ADAMTS6: variants seen among roughly 807,000 people sequenced by gnomAD.
ADAMTS6 encodes the protein A disintegrin and metalloproteinase with thrombospondin motifs 6.
ADAMTS6 carries 23 observed loss-of-function variants against 144.3 expected under a neutral mutation model. That is an observed-to-expected ratio of 0.16 (90% CI 0.11 to 0.23). The LOEUF is 0.23. Ranked by LOEUF, ADAMTS6 falls within the 10% of genes least tolerant of loss-of-function variation. The pLI is 1.00. For synonymous variants in ADAMTS6, 444 were observed against 457.5 expected (o/e 0.97, Z 0.38); for missense variants, 999 against 1,379.6 (o/e 0.72, Z 4.37).
intron 7 of ADAMTS6, among the ~76,000 whole-genome samples, chr5:65,433,853 T>C (rs1580698562): frequency 6.6e-6 from 1 of 152,146 alleles, no homozygotes; most frequent in African/African-American, 2.4e-5. Flanking sequence ...AGCCTGGCAG[T>C]TTCTCAAAGG....
chr5:65,301,691 G>A (rs1018167193), intron 9 of ADAMTS6, among the ~76,000 whole-genome samples: 1 of 143,894 alleles, frequency 6.9e-6, no homozygotes, highest in Non-Finnish European at 1.5e-5. Context: ...CTGAACGAGG[G>A]TGCCGGATAA....
At chr5:65,448,619 G>GC (rs1186455199) in intron 7 of ADAMTS6, among the ~76,000 whole-genome samples, 1 of 151,536 alleles carries the variant, frequency 6.6e-6, no homozygotes, top group African/African-American at 2.4e-5. Context: ...CGCCTGGCTA[G>GC]TTTTTTTTGT....
chr5:65,374,367 C>G (rs1467702205), intron 7 of ADAMTS6, among the ~76,000 whole-genome samples: 1 of 149,286 alleles, frequency 6.7e-6, no homozygotes, highest in South Asian at 2.1e-4. Flanking sequence ...ACCCCACTGT[C>G]TCAGCCCAAA....
At chr5:65,360,170 G>A (rs1412031359) in intron 7 of ADAMTS6, among the ~76,000 whole-genome samples, 2 of 152,226 alleles carry the variant, frequency 1.3e-5, no homozygotes, top group Middle Eastern at 3.4e-3. Context: ...CTTAGGAAAC[G>A]TACAATAATG....
At chr5:65,193,941 T>C (rs1755170146) in intron 21 of ADAMTS6, among the ~76,000 whole-genome samples, 2 of 152,176 alleles carry the variant, frequency 1.3e-5, no homozygotes, top group South Asian at 4.1e-4. Context: ...AGTAGTGTAA[T>C]ACAATTTTTT....
At chr5:65,283,446 TA>T (rs1247514637) in intron 11 of ADAMTS6, among the ~76,000 whole-genome samples, 2 of 151,506 alleles carry the variant, frequency 1.3e-5, no homozygotes, top group African/African-American at 2.4e-5. Context: ...CAAAACTGAC[TA>T]AATGGTTAAA....
At chr5:65,442,344 C>T (rs1313471296) in intron 7 of ADAMTS6, among the ~76,000 whole-genome samples, 3 of 152,052 alleles carry the variant, frequency 2.0e-5, no homozygotes, top group Admixed American at 6.6e-5. Flanking sequence ...ACTACCAAAG[C>T]TCACTGAATA....
At chr5:65,263,387 A>G (rs186187381) in intron 12 of ADAMTS6, among the ~76,000 whole-genome samples, 38 of 151,014 alleles carry the variant, frequency 2.5e-4, no homozygotes, top group South Asian at 4.3e-4. Flanking sequence ...CCAGTAAGGA[A>G]TTTTTATGAT....
chr5:65,310,052 T>C (rs1306957121), intron 9 of ADAMTS6, among the ~76,000 whole-genome samples: 2 of 152,030 alleles, frequency 1.3e-5, no homozygotes, highest in Non-Finnish European at 2.9e-5. Context: ...CTTGGTACTG[T>C]CTTTGGGACA....
At chr5:65,422,874 G>C (rs777164339) in intron 7 of ADAMTS6, among the ~76,000 whole-genome samples, 5 of 152,102 alleles carry the variant, frequency 3.3e-5, no homozygotes, top group Non-Finnish European at 5.9e-5. Flanking sequence ...ATTCAGAATT[G>C]CAAAGATATG....
At position 65,197,165 on chromosome 5, in the gene ADAMTS6, G is replaced by C. The variant is rs774238852; in HGVS notation, c.2576-14C>G. ...GTCTTTGGACACCTTGAGAAAAGGA[G>C]GACATCATTAATTGAAGAGAAGTTT... is the stretch of plus-strand genomic sequence containing the variant. On this transcript the variant is annotated splice_polypyrimidine_tract_variant and intron_variant, in intron 20 of 24. Transcript: ENST00000381055. 28 of 1,611,934 alleles carry C rather than the reference G, an allele frequency of 1.7e-5. No homozygotes were observed. Among genetic ancestry groups the C allele is most frequent in the Non-Finnish European group, 2.1e-5 (25 of 1,179,102 alleles).
At chr5:65,396,254 G>A (rs1209896544) in intron 7 of ADAMTS6, among the ~76,000 whole-genome samples, 1 of 152,062 alleles carries the variant, frequency 6.6e-6, no homozygotes, top group Non-Finnish European at 1.5e-5. Context: ...ATCATTTCTT[G>A]TTTCTACTCC....
At chr5:65,178,002 A>G (rs1754088290) in intron 22 of ADAMTS6, among the ~76,000 whole-genome samples, 2 of 152,136 alleles carry the variant, frequency 1.3e-5, no homozygotes, top group African/African-American at 2.4e-5. Flanking sequence ...TCCAACACTA[A>G]GTTCACTTCG....
intron 7 of ADAMTS6, among the ~76,000 whole-genome samples, chr5:65,389,754 G>C (rs1008481286): frequency 6.6e-6 from 1 of 152,034 alleles, no homozygotes; most frequent in African/African-American, 2.4e-5. Context: ...TAATAATTGG[G>C]AGGTCTAATG....
At chr5:65,442,664 T>C (rs1325778869) in intron 7 of ADAMTS6, among the ~76,000 whole-genome samples, 1 of 152,002 alleles carries the variant, frequency 6.6e-6, no homozygotes, top group Non-Finnish European at 1.5e-5. Context: ...GAAAATGACA[T>C]CTAACTATAT....
At chr5:65,287,810 G>A (rs912874015) in intron 11 of ADAMTS6, among the ~76,000 whole-genome samples, 9 of 152,152 alleles carry the variant, frequency 5.9e-5, no homozygotes, top group African/African-American at 1.4e-4. Context: ...GATTACAGGC[G>A]TGAGCCACCG....
intron 24 of ADAMTS6, among the ~76,000 whole-genome samples, chr5:65,155,899 A>C (rs1031684688): frequency 6.6e-6 from 1 of 152,156 alleles, no homozygotes; most frequent in Non-Finnish European, 1.5e-5. Context: ...TTTTAAAAGG[A>C]GGTTTCCAGA....
At chr5:65,395,757 G>C (rs2150154614) in intron 7 of ADAMTS6, among the ~76,000 whole-genome samples, 1 of 152,036 alleles carries the variant, frequency 6.6e-6, no homozygotes, top group East Asian at 1.9e-4. Context: ...GTAAATCCCT[G>C]GTCCCATTTG....
At chr5:65,179,727 C>T (rs1754217135) in intron 22 of ADAMTS6, among the ~76,000 whole-genome samples, 1 of 152,020 alleles carries the variant, frequency 6.6e-6, no homozygotes, top group African/African-American at 2.4e-5. Flanking sequence ...TCAAGGAGCT[C>T]AGAGTCTTAT....
Sources: allele counts gnomAD v4.1 joint callset (sites outside exome capture counted in the v4.1 genomes callset), GRCh38; gene constraint gnomAD v4.1.1; transcripts MANE v1.5; gene names NCBI Gene and HGNC (gene_info 2026-07-23, HGNC 2026-07-21).